Variants in TRAPPC6A observed in about 807,000 individuals in gnomAD.
TRAPPC6A encodes trafficking protein particle complex subunit 6A.
TRAPPC6A carries 25 observed loss-of-function variants against 20.8 expected under a neutral mutation model. The ratio of observed to expected loss-of-function variants is 1.20; its 90% CI spans 0.88 to 1.68. TRAPPC6A has a LOEUF of 1.68. Ranked by LOEUF, TRAPPC6A falls within the 40% of genes most tolerant of loss-of-function variation. TRAPPC6A has a pLI of 0.00. For synonymous variants in TRAPPC6A, 96 were observed against 93.3 expected (o/e 1.03, Z -0.16); for missense variants, 215 against 211.6 (o/e 1.02, Z -0.10).
rs1229014934 is a variant in TRAPPC6A, at chr19:45,173,099, C to CA, written c.84+5035dup. Among the ~76,000 whole-genome samples, 3 of 151,680 alleles carry CA rather than the reference C, an allele frequency of 2.0e-5. No homozygotes were observed. Among genetic ancestry groups the CA allele is most frequent in the Admixed American group, 2.0e-4 (3 of 15,270 alleles). ...TCTCGGGGCGCCTCGGGCCTGGTCT[C>CA]AGACAATGGGTGACAGCGCCTTAGC... On this transcript the variant is annotated intron_variant, in intron 1 of 5. Transcript: ENST00000585934. The surrounding 1 kb of genome is among the most constrained non-coding windows in gnomAD (Gnocchi z 4.8).
At chr19:45,167,054 C>T (rs1005294375) in intron 1 of TRAPPC6A, among the ~76,000 whole-genome samples, 3 of 152,242 alleles carry the variant, frequency 2.0e-5, no homozygotes, top group Middle Eastern at 3.4e-3. Context: ...TCCCAGCTTG[C>T]GTCCCCAGCC....
At position 45,163,358 on chromosome 19, in the gene TRAPPC6A, G is replaced by A. The variant is rs765016082; in HGVS notation, c.449-135C>T. On this transcript the variant is annotated intron_variant, in intron 5 of 5. Coordinates refer to ENST00000585934, the MANE Select transcript of TRAPPC6A (RefSeq NM_001270891.2). The surrounding 1 kb of genome is among the most constrained non-coding windows in gnomAD (Gnocchi z 5.3). ...GGTTGGGCTGTTTCCTCCCGCCCACGGGGCCGCATCCCTGAGCTGTGTGAG... is the reference window on the plus strand; with the variant it reads ...GGTTGGGCTGTTTCCTCCCGCCCACAGGGCCGCATCCCTGAGCTGTGTGAG... The A allele has an allele frequency of 5.6e-5, 52 of 923,158 alleles. No individual in the cohort carries two copies. The highest frequency in any genetic ancestry group is 8.6e-5 in the Non-Finnish European group (51 of 594,900). 57.2% of individuals were successfully genotyped at this position (923,158 alleles called of 1,614,324 possible).
Position 45,172,503 on chromosome 19 carries a change from G to A in TRAPPC6A, c.84+5632C>T, listed in dbSNP as rs1482843463. Among the ~76,000 whole-genome samples, 1 of 151,686 alleles carries A rather than the reference G, an allele frequency of 6.6e-6. No individual in the cohort carries two copies. The highest frequency in any genetic ancestry group is 1.9e-4 in the East Asian group (1 of 5,196). ...CACTCTGTGCCAGGCCCAGGGGTGT[G>A]GTGGGGAACCCAGGGAAGGAGCAGC... On this transcript the variant is annotated intron_variant, in intron 1 of 5. Coordinates refer to ENST00000585934, the MANE Select transcript of TRAPPC6A (RefSeq NM_001270891.2). The surrounding 1 kb of genome is among the most constrained non-coding windows in gnomAD (Gnocchi z 4.2).
At position 45,173,800 on chromosome 19, in the gene TRAPPC6A, A is replaced by G. The variant is rs1459919449; in HGVS notation, c.84+4335T>C. Among the ~76,000 whole-genome samples the G allele has an allele frequency of 6.6e-6, 1 of 152,120 alleles. No individual in the cohort carries two copies. The highest frequency in any genetic ancestry group is 2.4e-5 in the African/African-American group (1 of 41,418). On this transcript the variant is annotated intron_variant, in intron 1 of 5. Coordinates refer to ENST00000585934, the MANE Select transcript of TRAPPC6A (RefSeq NM_001270891.2). The surrounding 1 kb of genome is among the most constrained non-coding windows in gnomAD (Gnocchi z 4.8). ...TCCCCAGGAGGAAGGAGTGAGGGGA[A>G]ACGATGCAGTTCTCACCCCTAGCTG...
intron 1 of TRAPPC6A, 125 bp downstream of exon 1, chr19:45,178,010 C>A (rs1969430118): frequency 6.6e-7 from 1 of 1,520,968 alleles, no homozygotes; most frequent in East Asian, 2.4e-5. Context: ...AAGCCAGGGC[C>A]AGACGTTGCC....
rs1385713055 is a variant in TRAPPC6A, at chr19:45,173,324, C to T, written c.84+4811G>A. ...CAGGAGAATGGCCACAAATAACCAC[C>T]GTACCAGGCAGGATAGGAGGTCACA... On this transcript the variant is annotated intron_variant, in intron 1 of 5. Transcript: ENST00000585934. The surrounding 1 kb of genome is among the most constrained non-coding windows in gnomAD (Gnocchi z 4.8). Among the ~76,000 whole-genome samples, 3 of 151,796 alleles carry T rather than the reference C, an allele frequency of 2.0e-5. No individual in the cohort carries two copies. The highest frequency in any genetic ancestry group is 4.4e-5 in the Non-Finnish European group (3 of 67,964).
intron 4 of TRAPPC6A, 67 bp downstream of exon 4, chr19:45,164,097 G>A: frequency 1.3e-6 from 2 of 1,551,384 alleles, no homozygotes; most frequent in Non-Finnish European, 1.8e-6. Context: ...GGAAAGGCCT[G>A]ATGTGGGATG....
chr19:45,175,536 T>C (rs978761841), intron 1 of TRAPPC6A, among the ~76,000 whole-genome samples: 8 of 151,778 alleles, frequency 5.3e-5, no homozygotes, highest in Non-Finnish European at 1.0e-4. Context: ...CAAATTTGAC[T>C]GGGGGCTCAG....
In TRAPPC6A at chr19:45,173,145, G is replaced by A. The variant is rs1799597144; in HGVS notation, c.84+4990C>T. On this transcript the variant is annotated intron_variant, in intron 1 of 5. Coordinates refer to ENST00000585934, the MANE Select transcript of TRAPPC6A (RefSeq NM_001270891.2). This position sits in a 1 kb window ranked among gnomAD's most constrained non-coding sequence, Gnocchi z 4.8. ...TTAGCTCTTTACTACATGCACTCAG[G>A]GGAATCCTCTCTTTGCCCAAAGGCT... Among the ~76,000 whole-genome samples the A allele has an allele frequency of 6.6e-6, 1 of 151,578 alleles. No individual in the cohort carries two copies.
rs984655251 is a variant in TRAPPC6A, at chr19:45,172,610, T to A, written c.84+5525A>T. Among the ~76,000 whole-genome samples the A allele has an allele frequency of 6.6e-6, 1 of 151,582 alleles. No individual in the cohort carries two copies. Among genetic ancestry groups the A allele is most frequent in the South Asian group, 2.1e-4 (1 of 4,832 alleles). On this transcript the variant is annotated intron_variant, in intron 1 of 5. Transcript: ENST00000585934. The surrounding 1 kb of genome is among the most constrained non-coding windows in gnomAD (Gnocchi z 4.2). ...GGTGGGTGCGAGAAGCCTGCAGGACTTCCCTGCTGTTGCCCTCAACTCTCC... is the reference window on the plus strand; with the variant it reads ...GGTGGGTGCGAGAAGCCTGCAGGACATCCCTGCTGTTGCCCTCAACTCTCC...
intron 1 of TRAPPC6A, among the ~76,000 whole-genome samples, chr19:45,171,372 A>T (rs866239667): frequency 6.6e-6 from 1 of 151,596 alleles, no homozygotes; most frequent in African/African-American, 2.4e-5. Flanking sequence ...TCCCATTCAT[A>T]TGAATCTGCC....
At position 45,163,470 on chromosome 19, in the gene TRAPPC6A, ACGGGGGCCC is replaced by A. The variant is rs1181756451; in HGVS notation, c.449-256_449-248del. On this transcript the variant is annotated intron_variant, in intron 5 of 5. Transcript: ENST00000585934. This position sits in a 1 kb window ranked among gnomAD's most constrained non-coding sequence, Gnocchi z 5.3. ...GGTATGCATTGCTCGGTCCTACCCC[ACGGGGGCCC>A]CGGGGGCCCCCATGAGTGGGCCTGG... Among the ~76,000 whole-genome samples the A allele has an allele frequency of 2.6e-5, 4 of 151,978 alleles. No individual in the cohort carries two copies. Among genetic ancestry groups the A allele is most frequent in the South Asian group, 4.2e-4 (2 of 4,812 alleles).
intron 1 of TRAPPC6A, among the ~76,000 whole-genome samples, chr19:45,170,106 G>A (rs1287135152): frequency 6.6e-6 from 1 of 152,190 alleles, no homozygotes; most frequent in African/African-American, 2.4e-5. Flanking sequence ...CAAAGGGCAT[G>A]TGCCAAGGCA....
chr19:45,178,003 C>A, intron 1 of TRAPPC6A, 132 bp downstream of exon 1: 1 of 1,489,204 alleles, frequency 6.7e-7, no homozygotes. Flanking sequence ...AAGGAGGAAG[C>A]CAGGGCCAGA....
Position 45,178,147 on chromosome 19 carries a change from G to T in TRAPPC6A, c.72C>A (p.Asp24Glu), listed in dbSNP as rs778316421. The T allele has an allele frequency of 3.6e-5, 58 of 1,613,308 alleles. No homozygotes were observed. The South Asian group carries it at 5.2e-4, about 14-fold the overall frequency. ...GCCCGGCGCTCACCCCCGGGCCGGG[G>T]TCGGGGTCGTGAGCCCACAGCTCAG... The part of the protein sequence containing the change: ...MVAELWAHDP[D>E]PGPGGQKMSL... The change falls in exon 1 of 6, where the codon GAC becomes GAA. Residue 24 changes from aspartate (D) to glutamate (E), a missense_variant. Asp to Glu is a conservative substitution (Grantham distance 45). Coordinates refer to ENST00000585934, the MANE Select transcript of TRAPPC6A (RefSeq NM_001270891.2).
At chr19:45,167,808 G>T (rs988663105) in intron 1 of TRAPPC6A, among the ~76,000 whole-genome samples, 2 of 151,934 alleles carry the variant, frequency 1.3e-5, no homozygotes, top group Non-Finnish European at 2.9e-5. Context: ...AGTCCAGCCT[G>T]GTCGACATGG....
chr19:45,176,762 G>A (rs146757093), intron 1 of TRAPPC6A, among the ~76,000 whole-genome samples: 1 of 151,860 alleles, frequency 6.6e-6, no homozygotes, highest in East Asian at 1.9e-4. Flanking sequence ...GGCCAGGTGC[G>A]GTGGCTCACG....
At chr19:45,168,313 C>G (rs536032152) in intron 1 of TRAPPC6A, among the ~76,000 whole-genome samples, 12 of 152,252 alleles carry the variant, frequency 7.9e-5, no homozygotes, top group Admixed American at 5.9e-4. Context: ...CTGACCCTGT[C>G]TTAAAAAATA....
intron 1 of TRAPPC6A, among the ~76,000 whole-genome samples, chr19:45,168,116 C>A (rs971852506): frequency 4.0e-5 from 6 of 151,100 alleles, no homozygotes; most frequent in African/African-American, 1.2e-4. Flanking sequence ...CATTCTCCTG[C>A]CTCAGCCTCC....
Sources: gnomAD v4.1 joint callset for allele counts (sites outside exome capture counted in the v4.1 genomes callset) on GRCh38, gnomAD v4.1.1 for gene constraint, Gnocchi (gnomAD v3.1) non-coding constraint, MANE v1.5 for transcripts, NCBI Gene and HGNC (gene_info 2026-07-23, HGNC 2026-07-21) for gene names.